Variants in MINDY2 observed in about 807,000 individuals in gnomAD.
MINDY2 encodes the protein ubiquitin carboxyl-terminal hydrolase MINDY-2.
In MINDY2, 52 loss-of-function variants were observed where a neutral mutation model predicts 68.2. The observed-to-expected ratio is 0.76, with a 90% confidence interval of 0.61 to 0.96. MINDY2 has a LOEUF of 0.96. MINDY2 is among the 40% of genes least tolerant of loss of function. The pLI, the probability that MINDY2 is intolerant of heterozygous loss-of-function variation, is 0.00. For synonymous variants in MINDY2, 372 were observed against 303.0 expected, an observed-to-expected ratio of 1.23 and a Z score of -2.36; for missense variants, 881 against 773.4, an observed-to-expected ratio of 1.14 and a Z score of -1.65.
intron 1 of MINDY2, among the ~76,000 whole-genome samples, chr15:58,774,748 T>C (rs1179820439): frequency 2.0e-5 from 3 of 152,140 alleles, no homozygotes; most frequent in South Asian, 2.1e-4. Flanking sequence ...AAGAGAATAG[T>C]GTATTGAAAG....
At chr15:58,830,537 C>T (rs1458770798) in intron 5 of MINDY2, among the ~76,000 whole-genome samples, 1 of 152,152 alleles carries the variant, frequency 6.6e-6, no homozygotes, top group African/African-American at 2.4e-5. Context: ...AAAGAATCCA[C>T]ACCCAAAACC....
In MINDY2 at chr15:58,854,723, T is replaced by A; in HGVS notation, c.*113T>A. 7.5e-7 allele frequency: 1 copy of A among 1,324,954 alleles called. No individual in the cohort carries two copies. Among genetic ancestry groups the A allele is most frequent in the South Asian group, 1.6e-5 (1 of 64,282 alleles). 82.1% of individuals were successfully genotyped at this position (1,324,954 alleles called of 1,614,324 possible). On this transcript the variant is annotated 3_prime_UTR_variant, in exon 9 of 9. Transcript: ENST00000559228. ...GTGCCTGATTTCCTAATGGATTTTGTTCGTTTTTTCAGGGGAACGGTTGTT... is the reference window on the plus strand; with the variant it reads ...GTGCCTGATTTCCTAATGGATTTTGATCGTTTTTTCAGGGGAACGGTTGTT...
intron 3 of MINDY2, among the ~76,000 whole-genome samples, chr15:58,806,610 A>C (rs2140965299): frequency 6.6e-6 from 1 of 152,298 alleles, no homozygotes; most frequent in South Asian, 2.1e-4. Flanking sequence ...GAATAATTGT[A>C]GCAAATATAT....
intron 5 of MINDY2, among the ~76,000 whole-genome samples, chr15:58,825,084 C>A (rs749502556): frequency 2.6e-5 from 4 of 152,178 alleles, no homozygotes; most frequent in Non-Finnish European, 5.9e-5. Flanking sequence ...TCAAAGCCGA[C>A]TTGTTTCTAA....
intron 7 of MINDY2, among the ~76,000 whole-genome samples, chr15:58,848,539 C>T (rs985079640): frequency 1.3e-5 from 2 of 151,884 alleles, no homozygotes; most frequent in Non-Finnish European, 2.9e-5. Context: ...GTCAGGAGAT[C>T]GAGACCATCC....
Position 58,851,047 on chromosome 15 carries a change from C to T in MINDY2, c.1543-724C>T, listed in dbSNP as rs189950570. Among the ~76,000 whole-genome samples the T allele has an allele frequency of 2.1e-3, 315 of 152,230 alleles. 4 individuals are homozygous for T. The highest frequency in any genetic ancestry group is 7.3e-3 in the African/African-American group (302 of 41,520). The stretch of plus-strand genomic sequence containing the variant: ...GGAGCGCAGTGGCGTGATCTCAGCT[C>T]ACTGCAACCTCTGCCTCCCAGGTTC... On this transcript the variant is annotated intron_variant, in intron 7 of 8. Coordinates refer to ENST00000559228, the MANE Select transcript of MINDY2 (RefSeq NM_001040450.3).
intron 4 of MINDY2, among the ~76,000 whole-genome samples, chr15:58,820,929 C>A (rs2031022420): frequency 3.3e-5 from 5 of 150,896 alleles, no homozygotes; most frequent in Admixed American, 3.3e-4. Flanking sequence ...TACAGCAATA[C>A]ACATAAATAA....
intron 6 of MINDY2, among the ~76,000 whole-genome samples, chr15:58,844,378 T>G (rs1408891413): frequency 2.0e-5 from 3 of 150,026 alleles, no homozygotes; most frequent in Admixed American, 6.7e-5. Context: ...AAACCCCGTC[T>G]CTACTAAAAA....
At chr15:58,816,889 G>T (rs567664467) in intron 4 of MINDY2, among the ~76,000 whole-genome samples, 1 of 152,146 alleles carries the variant, frequency 6.6e-6, no homozygotes, top group East Asian at 1.9e-4. Context: ...GGAGTTTGAG[G>T]CTGCAGTGCA....
chr15:58,789,592 G>A (rs1308951881), intron 2 of MINDY2, among the ~76,000 whole-genome samples: 1 of 151,826 alleles, frequency 6.6e-6, no homozygotes, highest in Non-Finnish European at 1.5e-5. Context: ...CGAGTAACTG[G>A]GACTGCACGC....
Position 58,857,739 on chromosome 15 carries a change from A to C in MINDY2, c.*3129A>C, listed in dbSNP as rs1369649141. 1 of 152,130 alleles carries C rather than the reference A, an allele frequency of 6.6e-6. No homozygotes were observed. The highest frequency in any genetic ancestry group is 1.5e-5 in the Non-Finnish European group (1 of 68,006). 9.4% of individuals were successfully genotyped at this position (152,130 alleles called of 1,614,324 possible). A position where few individuals can be genotyped will look rare whatever the true frequency, so the allele number is the denominator to read the frequency against. On this transcript the variant is annotated 3_prime_UTR_variant, in exon 9 of 9. Transcript: ENST00000559228. ...ACTGCTAACAAAAGTTAGAACTTAA[A>C]CATTTTTGTTTTTATCATTTATAGC...
chr15:58,784,634 T>G (rs1901364800), intron 1 of MINDY2, among the ~76,000 whole-genome samples: 1 of 149,424 alleles, frequency 6.7e-6, no homozygotes, highest in Admixed American at 6.7e-5. Flanking sequence ...TTTTTTTTTT[T>G]TTTGAGATCG....
At chr15:58,814,219 C>T (rs539263291) in intron 4 of MINDY2, among the ~76,000 whole-genome samples, 2 of 152,240 alleles carry the variant, frequency 1.3e-5, no homozygotes, top group Admixed American at 1.3e-4. Flanking sequence ...CGATTACAGG[C>T]GTGAGCCATC....
intron 8 of MINDY2, among the ~76,000 whole-genome samples, chr15:58,852,742 A>G (rs1297194620): frequency 2.0e-5 from 3 of 151,972 alleles, no homozygotes; most frequent in Non-Finnish European, 4.4e-5. Flanking sequence ...ACTTACCCCA[A>G]TTTTTAACAT....
At chr15:58,810,134 A>G in intron 3 of MINDY2, 96 bp from the exon 4 acceptor site, 3 of 1,108,798 alleles carry the variant, frequency 2.7e-6, no homozygotes, top group Non-Finnish European at 2.6e-6. Flanking sequence ...ATTGGATAAA[A>G]TGGAAAATTA....
At chr15:58,841,471 T>C (rs1282083856) in intron 6 of MINDY2, among the ~76,000 whole-genome samples, 1 of 151,466 alleles carries the variant, frequency 6.6e-6, no homozygotes, top group Non-Finnish European at 1.5e-5. Context: ...AATGGTGTGA[T>C]CTTGGCTCAT....
intron 6 of MINDY2, among the ~76,000 whole-genome samples, chr15:58,832,845 A>G (rs753950388): frequency 2.0e-5 from 3 of 152,220 alleles, no homozygotes; most frequent in Non-Finnish European, 4.4e-5. Flanking sequence ...ATGACATCTA[A>G]TCATGGAAGT....
intron 4 of MINDY2, chr15:58,815,469 G>GC (rs1595743322): frequency 6.6e-6 from 1 of 151,816 alleles, no homozygotes; most frequent in Non-Finnish European, 1.5e-5. Flanking sequence ...TCCCTACTCG[G>GC]CCCCCCAGTA....
chr15:58,792,494 T>A (rs1342162299), intron 2 of MINDY2, among the ~76,000 whole-genome samples: 4 of 152,110 alleles, frequency 2.6e-5, no homozygotes, highest in African/African-American at 9.7e-5. Context: ...TAATTCCAGC[T>A]ACTCGGGAGG....
Sources: gnomAD v4.1 joint callset for allele counts (sites outside exome capture counted in the v4.1 genomes callset) on GRCh38, gnomAD v4.1.1 for gene constraint, MANE v1.5 for transcripts, NCBI Gene and HGNC (gene_info 2026-07-23, HGNC 2026-07-21) for gene names.